The following GREB1 variants were observed in gnomAD, a reference collection of about 807,000 sequenced individuals.
GREB1 encodes the protein growth regulating estrogen receptor binding 1.
GREB1 carries 106 observed loss-of-function variants against 200.7 expected under a neutral mutation model. The observed-to-expected ratio is 0.53, with a 90% CI of 0.45 to 0.62. The LOEUF (loss-of-function observed/expected upper bound fraction) is 0.62, where lower values mean the gene tolerates loss of function less well. Ranked by LOEUF, GREB1 falls within the 20% of genes least tolerant of loss-of-function variation. The probability of loss-of-function intolerance (pLI) is 0.00; values close to 1 mark genes in which losing one functional copy is unlikely to be tolerated. For missense variants in GREB1, 2,243 were observed against 2,556.8 expected (o/e 0.88, Z 2.65); for synonymous variants, 1,132 against 1,092.4 (o/e 1.04, Z -0.72).
intron 1 of GREB1, among the ~76,000 whole-genome samples, chr2:11,501,115 C>A (rs1673025275): frequency 1.3e-5 from 2 of 152,204 alleles, no homozygotes; most frequent in African/African-American, 4.8e-5. Flanking sequence ...ATCATCTGGG[C>A]ACCCATGGGA....
At position 11,520,308 on chromosome 2, in the gene GREB1, C is replaced by T. The variant is rs573938921; in HGVS notation, c.-158-36149C>T. Among the ~76,000 whole-genome samples the T allele has an allele frequency of 4.6e-5, 7 of 152,342 alleles. No homozygotes were observed. The East Asian group carries it at 1.2e-3, about 25-fold the overall frequency. On this transcript the variant is annotated intron_variant, in intron 1 of 2. Coordinates refer to the GREB1 transcript ENST00000628795. Reference sequence around the variant, plus strand: ...TTATCATAGATCTATTGGCTTAAAACAGCACATATTTATTATCTATCTTCC... The same window carrying T: ...TTATCATAGATCTATTGGCTTAAAATAGCACATATTTATTATCTATCTTCC...
rs180861793 is a variant in GREB1 at position 11,516,068 on chromosome 2, C to T, written c.-159+33687C>T. On this transcript the variant is annotated intron_variant, in intron 1 of 2. Transcript: ENST00000628795. ...GAAAATGTGTAGATGGCCTCTGTGG[C>T]GGGACATGGTGGATGTCACATGAAC... Among the ~76,000 whole-genome samples, 7 of 152,234 alleles carry T rather than the reference C, an allele frequency of 4.6e-5. No individual in the cohort carries two copies. In the East Asian group the frequency reaches 9.7e-4, roughly 21 times the overall value.
chr2:11,607,462 A>ATG (rs1682430065), intron 17 of GREB1, among the ~76,000 whole-genome samples: 1 of 46,250 alleles, frequency 2.2e-5, no homozygotes, highest in East Asian at 8.4e-4. Context: ...GTGTGTGTGT[A>ATG]TATATATATA....
In GREB1 at chr2:11,548,659, C is replaced by T. The variant is rs572443979; in HGVS notation, c.-161-7795C>T. 6.6e-6 allele frequency among the ~76,000 whole-genome samples: 1 copy of T among 152,178 alleles called. No homozygotes were observed. The highest frequency in any genetic ancestry group is 2.4e-5 in the African/African-American group (1 of 41,526). ...GGCCTCCTTCCTGGAGCCTTCTGTCCCTGCTCCAGTGTGGATCATTTAGCT... is the reference window on the plus strand; with the variant it reads ...GGCCTCCTTCCTGGAGCCTTCTGTCTCTGCTCCAGTGTGGATCATTTAGCT... On this transcript the variant is annotated intron_variant, in intron 1 of 32. Coordinates refer to ENST00000381486, the MANE Select transcript of GREB1 (RefSeq NM_014668.4). This position sits in a 1 kb window ranked among gnomAD's most constrained non-coding sequence, Gnocchi z 5.1.
Position 11,642,293 on chromosome 2 carries a change from A to G in GREB1, c.*1839A>G, listed in dbSNP as rs537305260. 26 of 142,880 alleles carry G rather than the reference A, an allele frequency of 1.8e-4. No homozygotes were observed. Among genetic ancestry groups the G allele is most frequent in the African/African-American group, 5.4e-4 (21 of 38,968 alleles). 8.9% of individuals were successfully genotyped at this position (142,880 alleles called of 1,614,324 possible). On this transcript the variant is annotated 3_prime_UTR_variant, in exon 33 of 33. Transcript: ENST00000381486. ...ACCACCATGCCCAGCTAATTTTTGT[A>G]TTTTTTTTTTTTAGTAGAGATGGGG...
rs1572247129 is a variant in GREB1 at position 11,640,788 on chromosome 2, A to G, written c.*334A>G. 2 of 246,574 alleles carry G rather than the reference A, an allele frequency of 8.1e-6. No homozygotes were observed. The highest frequency in any genetic ancestry group is 7.7e-6 in the Non-Finnish European group (1 of 130,676). 15.3% of individuals were successfully genotyped at this position (246,574 alleles called of 1,614,324 possible). A position where few individuals can be genotyped will look rare whatever the true frequency, so the allele number is the denominator to read the frequency against. On this transcript the variant is annotated 3_prime_UTR_variant, in exon 33 of 33. Transcript: ENST00000381486. The surrounding 1 kb of genome is among the most constrained non-coding windows in gnomAD (Gnocchi z 4.6). ...TGGACAAACCTGATTTTTTTCTCTT[A>G]GTTCTAAAGAATCTTGGGTTATTTT...
rs563434428 is a variant in GREB1, at chr2:11,617,605, C to T, written c.3413-683C>T. Reference sequence around the variant, plus strand: ...TTTGAGAGAGCAGCTGACCCTCAGTCGGGCCTTGCGGAAGGTGTTGCAAGT... The same window carrying T: ...TTTGAGAGAGCAGCTGACCCTCAGTTGGGCCTTGCGGAAGGTGTTGCAAGT... On this transcript the variant is annotated intron_variant, in intron 21 of 32. Coordinates refer to ENST00000381486, the MANE Select transcript of GREB1 (RefSeq NM_014668.4). Among the ~76,000 whole-genome samples, 52 of 152,360 alleles carry T rather than the reference C, an allele frequency of 3.4e-4. No homozygotes were observed. The South Asian group carries it at 7.0e-3, about 21-fold the overall frequency.
intron 10 of GREB1, chr2:11,591,528 T>C: frequency 1.4e-6 from 1 of 701,544 alleles, no homozygotes; most frequent in Non-Finnish European, 2.7e-6. Context: ...TCAAGTCATC[T>C]TTTTCTGAAT....
At chr2:11,488,067 C>G (rs1207760158) in intron 1 of GREB1, among the ~76,000 whole-genome samples, 1 of 152,218 alleles carries the variant, frequency 6.6e-6, no homozygotes, top group African/African-American at 2.4e-5. Context: ...TTGACGTTGA[C>G]TTTACTGAAG....
chr2:11,489,410 G>C (rs942743914), intron 1 of GREB1, among the ~76,000 whole-genome samples: 1 of 152,198 alleles, frequency 6.6e-6, no homozygotes, highest in African/African-American at 2.4e-5. Flanking sequence ...AGTGAGCCAA[G>C]ATCGCACCAC....
At chr2:11,619,091 T>C (rs1683783419) in intron 22 of GREB1, among the ~76,000 whole-genome samples, 172 bp downstream of exon 22, 1 of 152,174 alleles carries the variant, frequency 6.6e-6, no homozygotes, top group South Asian at 2.1e-4. Context: ...GCAGGACTCA[T>C]CTGCCACTCA....
chr2:11,614,368 C>T (rs975964843), intron 19 of GREB1, among the ~76,000 whole-genome samples: 3 of 152,076 alleles, frequency 2.0e-5, no homozygotes, highest in African/African-American at 2.4e-5. Flanking sequence ...CTCAAGTGAT[C>T]GGCCCGCCTT....
At chr2:11,582,697 G>A (rs1342479452) in intron 7 of GREB1, among the ~76,000 whole-genome samples, 1 of 152,250 alleles carries the variant, frequency 6.6e-6, no homozygotes, top group Non-Finnish European at 1.5e-5. Context: ...CTGCTGGGGA[G>A]CTCCGCCAGA....
Position 11,640,720 on chromosome 2 carries a change from G to C in GREB1, c.*266G>C, listed in dbSNP as rs1398982561. ...GGCTGTTTTAAAGCCCATTTCACGAGGAACAAAGATTTACTTCCTGTCCTG... is the reference window on the plus strand; with the variant it reads ...GGCTGTTTTAAAGCCCATTTCACGACGAACAAAGATTTACTTCCTGTCCTG... On this transcript the variant is annotated 3_prime_UTR_variant, in exon 33 of 33. Transcript: ENST00000381486. The surrounding 1 kb of genome is among the most constrained non-coding windows in gnomAD (Gnocchi z 4.6). The C allele has an allele frequency of 1.1e-4, 46 of 426,852 alleles. No homozygotes were observed. The highest frequency in any genetic ancestry group is 2.1e-5 in the Non-Finnish European group (5 of 242,494). The allele number at this position is 426,852 out of a possible 1,614,324, so 26.4% of individuals were successfully genotyped here.
intron 4 of GREB1, among the ~76,000 whole-genome samples, chr2:11,570,540 C>G (rs574996254): frequency 2.7e-5 from 4 of 148,828 alleles, no homozygotes; most frequent in South Asian, 4.2e-4. Context: ...TTTTTTAAAG[C>G]AATTGGTGCA....
chr2:11,551,743 G>A (rs925944467), intron 1 of GREB1, among the ~76,000 whole-genome samples: 6 of 152,022 alleles, frequency 3.9e-5, no homozygotes, highest in Non-Finnish European at 8.8e-5. Flanking sequence ...TCCCACCGCC[G>A]CAGCCCGGGT....
chr2:11,585,821 T>G lies in GREB1; in HGVS notation c.1075T>G (p.Phe359Val). 6.2e-7 allele frequency: 1 copy of G among 1,613,802 alleles called. No individual in the cohort carries two copies. The highest frequency in any genetic ancestry group is 2.2e-5 in the East Asian group (1 of 44,882). The change falls in exon 9 of 33, where the codon TTT becomes GTT. Residue 359 changes from phenylalanine (F) to valine (V), a missense_variant. Physicochemically the swap from Phe to Val is conservative, Grantham distance 50 (BLOSUM62 -1). Coordinates refer to ENST00000381486, the MANE Select transcript of GREB1 (RefSeq NM_014668.4). Reference sequence around the variant, plus strand: ...CTTGGTGGGACCAGCTTCAGTCACCTTTCCAGTGGTGGCCTCTGGAGAACC... The same window carrying G: ...CTTGGTGGGACCAGCTTCAGTCACCGTTCCAGTGGTGGCCTCTGGAGAACC... ...VGLVGPASVT[F>V]PVVASGEPVS...
chr2:11,576,664 A>G (rs546479023), intron 5 of GREB1, 129 bp downstream of exon 5: 8 of 663,032 alleles, frequency 1.2e-5, no homozygotes. Flanking sequence ...GGCCAGGCCT[A>G]TGAAATGGAA....
intron 1 of GREB1, among the ~76,000 whole-genome samples, chr2:11,508,873 C>CT (rs1344798242): frequency 0.025 from 3,453 of 139,534 alleles, 164 homozygotes; most frequent in African/African-American, 0.065. Context: ...TTCTTTCTCT[C>CT]TTTTTTTTTT....
Sources: allele counts gnomAD v4.1 joint callset (sites outside exome capture counted in the v4.1 genomes callset), GRCh38; gene constraint gnomAD v4.1.1; non-coding constraint Gnocchi (gnomAD v3.1); transcripts MANE v1.5; gene names NCBI Gene and HGNC (gene_info 2026-07-23, HGNC 2026-07-21).